ARHGAP39: variants seen among roughly 807,000 people sequenced by gnomAD.
ARHGAP39 encodes the protein rho GTPase-activating protein 39.
In ARHGAP39, 44 loss-of-function variants were observed where a neutral mutation model predicts 106.9. The observed-to-expected ratio is 0.41, with a 90% confidence interval of 0.32 to 0.53. The LOEUF (loss-of-function observed/expected upper bound fraction) is 0.53, where lower values mean the gene tolerates loss of function less well. Ranked by LOEUF, ARHGAP39 falls within the 20% of genes least tolerant of loss-of-function variation. The pLI, the probability that ARHGAP39 is intolerant of heterozygous loss-of-function variation, is 0.21. For missense variants in ARHGAP39, 1,496 were observed against 1,577.3 expected (o/e 0.95, Z 0.87); for synonymous variants, 768 against 693.2 (o/e 1.11, Z -1.69).
upstream of ARHGAP39, among the ~76,000 whole-genome samples, chr8:144,685,885 C>G (rs1164636229): frequency 6.7e-6 from 1 of 149,500 alleles, no homozygotes; most frequent in Non-Finnish European, 1.5e-5. Context: ...CGCAACCCCC[C>G]GCCTCCGGCT....
chr8:144,631,850 C>T lies in ARHGAP39; in HGVS notation c.-81-26155G>A, dbSNP rs184499180. ...TTTTCCAGAGAAAGGGCCTCCACAC[C>T]GGGCAGGGCAACTGTCAGTGTCAAG... On this transcript the variant is annotated intron_variant, in intron 1 of 11. Coordinates refer to ENST00000377307, the MANE Select transcript of ARHGAP39 (RefSeq NM_025251.3). Among the ~76,000 whole-genome samples the T allele has an allele frequency of 9.2e-5, 14 of 152,366 alleles. No homozygotes were observed. The East Asian group carries it at 2.3e-3, about 25-fold the overall frequency.
At chr8:144,560,381 G>A (rs1186580266) in intron 3 of ARHGAP39, among the ~76,000 whole-genome samples, 2 of 152,192 alleles carry the variant, frequency 1.3e-5, no homozygotes, top group Non-Finnish European at 2.9e-5. Flanking sequence ...GTTGCAGTGA[G>A]CTGGGATCTT....
chr8:144,644,640 C>T lies in ARHGAP39; in HGVS notation c.-81-38945G>A, dbSNP rs572816950. Among the ~76,000 whole-genome samples, 6 of 152,306 alleles carry T rather than the reference C, an allele frequency of 3.9e-5. No individual in the cohort carries two copies. The highest frequency in any genetic ancestry group is 1.2e-4 in the African/African-American group (5 of 41,560). On this transcript the variant is annotated intron_variant, in intron 1 of 11. Transcript: ENST00000377307. This position sits in a 1 kb window ranked among gnomAD's most constrained non-coding sequence, Gnocchi z 4.8. ...TTTCTGAGCTCTGAGTCACTTGAAG[C>T]GGCATCCGAGGCCTTCTCTCACTAC...
rs565456977 is a variant in ARHGAP39 at position 144,604,750 on chromosome 8, C to A, written c.80+785G>T. ...TGGAGGCATGGGACACTGGCTGAGA[C>A]GGGACAGGGCCAGATTTACTTGTGG... is the stretch of plus-strand genomic sequence containing the variant. On this transcript the variant is annotated intron_variant, in intron 2 of 11. Transcript: ENST00000377307. This position sits in a 1 kb window ranked among gnomAD's most constrained non-coding sequence, Gnocchi z 4.1. 2.6e-5 allele frequency among the ~76,000 whole-genome samples: 4 copies of A among 152,142 alleles called. No individual in the cohort carries two copies. The East Asian group carries it at 7.7e-4, about 29-fold the overall frequency.
chr8:144,691,292 GATC>G, the ARHGAP39 span, among the ~76,000 whole-genome samples: 1 of 152,118 alleles, frequency 6.6e-6, no homozygotes, highest in Non-Finnish European at 1.5e-5. Context: ...GGGCCTGGTG[GATC>G]ATCCATGATG....
chr8:144,582,146 C>A (rs1819015661), intron 2 of ARHGAP39, among the ~76,000 whole-genome samples: 1 of 152,158 alleles, frequency 6.6e-6, no homozygotes, highest in African/African-American at 2.4e-5. Context: ...GAAGGGGAGG[C>A]AAGTGGTGAG....
chr8:144,557,622 C>T (rs932119259), intron 3 of ARHGAP39, among the ~76,000 whole-genome samples: 2 of 150,946 alleles, frequency 1.3e-5, no homozygotes, highest in South Asian at 2.1e-4. Flanking sequence ...GCTGAACCTT[C>T]GTAGTATTCA....
chr8:144,633,824 T>C (rs1275041954), intron 1 of ARHGAP39, among the ~76,000 whole-genome samples: 1 of 152,200 alleles, frequency 6.6e-6, no homozygotes, highest in Admixed American at 6.5e-5. Context: ...CTACAGCGCG[T>C]ACCACCATGC....
At chr8:144,660,881 C>T (rs1441830460) in intron 1 of ARHGAP39, among the ~76,000 whole-genome samples, 4 of 151,898 alleles carry the variant, frequency 2.6e-5, no homozygotes, top group Non-Finnish European at 5.9e-5. Context: ...CTACTCGGGA[C>T]GCTGAGGCAG....
intron 1 of ARHGAP39, among the ~76,000 whole-genome samples, chr8:144,649,081 T>C (rs780329373): frequency 1.3e-5 from 2 of 151,786 alleles, no homozygotes; most frequent in Non-Finnish European, 2.9e-5. Flanking sequence ...CTTGGAAAAA[T>C]TAATAAGATA....
At chr8:144,618,854 G>A (rs888377210) in intron 1 of ARHGAP39, among the ~76,000 whole-genome samples, 5 of 152,250 alleles carry the variant, frequency 3.3e-5, no homozygotes, top group African/African-American at 7.2e-5. Context: ...GAGCAGGACC[G>A]CGGGCGCACA....
rs1026221894 is a variant in ARHGAP39, at chr8:144,585,327, C to T, written c.81-4050G>A. 6.6e-6 allele frequency among the ~76,000 whole-genome samples: 1 copy of T among 151,668 alleles called. No individual in the cohort carries two copies. Among genetic ancestry groups the T allele is most frequent in the Non-Finnish European group, 1.5e-5 (1 of 67,884 alleles). The stretch of plus-strand genomic sequence containing the variant: ...CACCACAGAGAACCTGAGGGGCCAG[C>T]CAGGGGTTCCCAGCACCAGCTCACC... On this transcript the variant is annotated intron_variant, in intron 2 of 11. Coordinates refer to ENST00000377307, the MANE Select transcript of ARHGAP39 (RefSeq NM_025251.3). This position sits in a 1 kb window ranked among gnomAD's most constrained non-coding sequence, Gnocchi z 4.6.
intron 3 of ARHGAP39, among the ~76,000 whole-genome samples, chr8:144,565,219 A>T (rs1171300422): frequency 3.3e-5 from 5 of 151,340 alleles, no homozygotes; most frequent in African/African-American, 1.2e-4. Context: ...TTGAGGCTGC[A>T]GTGAGCCGAG....
chr8:144,677,040 T>C (rs1399016631), intron 1 of ARHGAP39, among the ~76,000 whole-genome samples: 3 of 152,268 alleles, frequency 2.0e-5, no homozygotes, highest in Non-Finnish European at 4.4e-5. Flanking sequence ...AGTGCTGGGA[T>C]TAGAGGCCTG....
chr8:144,687,747 AGC>A (rs1822653970), upstream of ARHGAP39, among the ~76,000 whole-genome samples: 1 of 127,618 alleles, frequency 7.8e-6, no homozygotes, highest in Admixed American at 8.6e-5. Flanking sequence ...ATTTACAGTG[AGC>A]ACTTCCCACC....
In ARHGAP39 at chr8:144,529,314, C is replaced by G; in HGVS notation, c.*1108G>C. On this transcript the variant is annotated 3_prime_UTR_variant, in exon 12 of 12. Transcript: ENST00000377307. ...GGACGCCGCCCAGGCCTCGGCAGGG[C>G]TGGGGCTTTTGTTTTTAATAAATAA... 5.6e-6 allele frequency: 1 copy of G among 179,178 alleles called. No individual in the cohort carries two copies. Among genetic ancestry groups the G allele is most frequent in the East Asian group, 1.4e-4 (1 of 7,020 alleles). 11.1% of individuals were successfully genotyped at this position (179,178 alleles called of 1,614,324 possible). A position where few individuals can be genotyped will look rare whatever the true frequency, so the allele number is the denominator to read the frequency against.
At chr8:144,649,171 C>T (rs1029745605) in intron 1 of ARHGAP39, among the ~76,000 whole-genome samples, 6 of 152,066 alleles carry the variant, frequency 3.9e-5, no homozygotes, top group African/African-American at 9.7e-5. Context: ...AGGCCAGGTG[C>T]GGTGGCTCAC....
intron 4 of ARHGAP39, among the ~76,000 whole-genome samples, chr8:144,554,373 A>T (rs1322084538): frequency 6.6e-6 from 1 of 152,222 alleles, no homozygotes; most frequent in Non-Finnish European, 1.5e-5. Context: ...CACCTGGGAC[A>T]CTGGCTTTCC....
At chr8:144,685,040 G>A (rs1822542883) in intron 1 of ARHGAP39, among the ~76,000 whole-genome samples, 5 of 152,076 alleles carry the variant, frequency 3.3e-5, no homozygotes, top group Admixed American at 2.6e-4. Flanking sequence ...TGCGGCCGGT[G>A]CCCCGAGCTC....
Sources: allele counts gnomAD v4.1 joint callset (sites outside exome capture counted in the v4.1 genomes callset), GRCh38; gene constraint gnomAD v4.1.1; non-coding constraint Gnocchi (gnomAD v3.1); transcripts MANE v1.5; gene names NCBI Gene and HGNC (gene_info 2026-07-23, HGNC 2026-07-21).